Variants in RRN3 observed in about 807,000 individuals in gnomAD.
RRN3 encodes the protein RNA polymerase I transcription factor RRN3.
RRN3 carries 38 observed loss-of-function variants against 82.3 expected under a neutral mutation model. The ratio of observed to expected loss-of-function variants is 0.46; its 90% CI spans 0.36 to 0.61. The LOEUF (loss-of-function observed/expected upper bound fraction) is 0.61. Among genes scored for constraint, RRN3 ranks in the 20% least tolerant of loss-of-function variants. RRN3 has a pLI of 0.00. For synonymous variants in RRN3, 284 were observed against 284.3 expected, an observed-to-expected ratio of 1.00 and a Z score of 0.01; for missense variants, 726 against 793.1, an observed-to-expected ratio of 0.92 and a Z score of 1.02.
rs1335885293 is a variant in RRN3 at position 15,082,177 on chromosome 16, CTT to C, written c.666+1334_666+1335del. Among the ~76,000 whole-genome samples the C allele has an allele frequency of 2.6e-5, 4 of 152,166 alleles. No homozygotes were observed. In the East Asian group the frequency reaches 7.7e-4, roughly 29 times the overall value. On this transcript the variant is annotated intron_variant, in intron 8 of 17. Coordinates refer to ENST00000198767, the MANE Select transcript of RRN3 (RefSeq NM_018427.5). ...TTTTGTTCTTTGTCTTAGGAAAAAACTTTTGGTCTTTCACCAATGAATATGAT... is the reference window on the plus strand; with the variant it reads ...TTTTGTTCTTTGTCTTAGGAAAAAACTTGGTCTTTCACCAATGAATATGAT...
intron 11 of RRN3, among the ~76,000 whole-genome samples, chr16:15,073,457 T>TA (rs796895264): frequency 5.1e-4 from 76 of 149,598 alleles, no homozygotes; most frequent in African/African-American, 1.7e-3. Flanking sequence ...CGTGGCTATT[T>TA]AAAAAAAAAA....
intron 15 of RRN3, among the ~76,000 whole-genome samples, chr16:15,066,937 T>C (rs1342831556): frequency 6.6e-6 from 1 of 151,962 alleles, no homozygotes; most frequent in Admixed American, 6.6e-5. Flanking sequence ...CTGGACCAGA[T>C]GGTTCACAAA....
rs1405869277 is a variant in RRN3 at position 15,073,191 on chromosome 16, C to T, written c.998-111G>A. 8 of 1,237,432 alleles carry T rather than the reference C, an allele frequency of 6.5e-6. No homozygotes were observed. The Admixed American group carries it at 1.6e-4, about 24-fold the overall frequency. 76.7% of individuals were successfully genotyped at this position (1,237,432 alleles called of 1,614,324 possible). A position where few individuals can be genotyped will look rare whatever the true frequency, so the allele number is the denominator to read the frequency against. ...TAAAAAACAACATTATCCAGCCAAG[C>T]ACAGTGGCTCCTGCCTGCAATCCCA... On this transcript the variant is annotated intron_variant, in intron 11 of 17. Coordinates refer to ENST00000198767, the MANE Select transcript of RRN3 (RefSeq NM_018427.5).
intron 11 of RRN3, among the ~76,000 whole-genome samples, chr16:15,073,452 C>T (rs1281865405): frequency 1.3e-5 from 2 of 151,400 alleles, no homozygotes; most frequent in African/African-American, 2.4e-5. Flanking sequence ...AAGACCGTGG[C>T]TATTTAAAAA....
At chr16:15,064,045 G>T (rs2044843030) in intron 16 of RRN3, among the ~76,000 whole-genome samples, 1 of 152,174 alleles carries the variant, frequency 6.6e-6, no homozygotes, top group South Asian at 2.1e-4. Flanking sequence ...AATCCCAGAT[G>T]GTCATGATGC....
rs139762686 is a variant in RRN3, at chr16:15,074,832, T to C, written c.888A>G (p.Thr296=). Reference sequence around the variant, plus strand: ...GGTCGAGCCGTTCAGGACCAGCCTTTGTTTCATGTTCAGTTTCTTCATCTT... The same window carrying C: ...GGTCGAGCCGTTCAGGACCAGCCTTCGTTTCATGTTCAGTTTCTTCATCTT... ...MDEDEETEHE[T]KAGPERLDQM... The change falls in exon 11 of 18, where the codon ACA becomes ACG. Residue 296 remains threonine, a synonymous_variant. Coordinates refer to ENST00000198767, the MANE Select transcript of RRN3 (RefSeq NM_018427.5). The C allele has an allele frequency of 3.8e-5, 61 of 1,612,314 alleles. No homozygotes were observed. In the African/African-American group the frequency reaches 7.5e-4, roughly 20 times the overall value.
intron 3 of RRN3, among the ~76,000 whole-genome samples, chr16:15,086,681 A>G (rs1365711850): frequency 6.6e-6 from 1 of 152,224 alleles, no homozygotes; most frequent in Non-Finnish European, 1.5e-5. Context: ...GAAAGACTTA[A>G]ATGCAATACT....
At chr16:15,068,440 G>A (rs2045074422) in intron 14 of RRN3, among the ~76,000 whole-genome samples, 163 bp from the exon 15 acceptor site, 1 of 152,134 alleles carries the variant, frequency 6.6e-6, no homozygotes, top group Admixed American at 6.5e-5. Context: ...CACAGTATAT[G>A]GCCCAGAAGA....
chr16:15,079,973 T>C (rs1161157182), intron 9 of RRN3, 25 bp downstream of exon 9: 5 of 1,564,478 alleles, frequency 3.2e-6, no homozygotes, highest in Non-Finnish European at 1.7e-6. Flanking sequence ...TAAATGAAAA[T>C]AAAAATAGAT....
intron 16 of RRN3, among the ~76,000 whole-genome samples, chr16:15,063,649 G>T (rs185391206): frequency 1.4e-5 from 2 of 142,830 alleles, no homozygotes; most frequent in African/African-American, 5.1e-5. Context: ...AGCTTGCAGC[G>T]AGCCGAGATC....
chr16:15,073,924 T>C (rs1415756170), intron 11 of RRN3, among the ~76,000 whole-genome samples: 1 of 152,146 alleles, frequency 6.6e-6, no homozygotes, highest in Admixed American at 6.5e-5. Context: ...GGCAATGATA[T>C]GAGAAAATGT....
At position 15,093,947 on chromosome 16, in the gene RRN3, G is replaced by C. The variant is rs10852374; in HGVS notation, c.89+198C>G. ...GGGGGCCTCCAGAACAGAGAACATA[G>C]TCACTTTTCCAGGCCCCACCCATGT... On this transcript the variant is annotated intron_variant, in intron 1 of 17. Transcript: ENST00000198767. 0.75 allele frequency: 451,494 copies of C among 601,124 alleles called. 171,360 individuals carry two copies. Among genetic ancestry groups the C allele is most frequent in the Admixed American group, 0.84 (26,210 of 31,328 alleles). The allele number at this position is 601,124 out of a possible 1,614,324, so 37.2% of individuals were successfully genotyped here.
intron 11 of RRN3, 144 bp from the exon 12 acceptor site, chr16:15,073,224 G>C (rs1193213346): frequency 6.5e-6 from 6 of 918,324 alleles, no homozygotes; most frequent in Non-Finnish European, 9.9e-6. Context: ...CCAGCACTTT[G>C]GGAGGCCAAA....
rs2044720857 is a variant in RRN3, at chr16:15,061,757, G to A, written c.1943C>T (p.Pro648Leu). 2 of 1,612,812 alleles carry A rather than the reference G, an allele frequency of 1.2e-6. No individual in the cohort carries two copies. Among genetic ancestry groups the A allele is most frequent in the Non-Finnish European group, 1.7e-6 (2 of 1,178,962 alleles). The change falls in exon 18 of 18, where the codon CCC becomes CTC. Residue 648 changes from proline (P) to leucine (L), a missense_variant. Transcript: ENST00000198767. ...VGSPPVLYMQ[P>L]SPL is the part of the protein sequence containing the mutation. ...AAATTTCTGCCGTCAGAGGGGACTGGGTTGCATGTACAACACGGGTGGGGA... is the reference window on the plus strand; with the variant it reads ...AAATTTCTGCCGTCAGAGGGGACTGAGTTGCATGTACAACACGGGTGGGGA...
Position 15,070,116 on chromosome 16 carries a change from G to C in RRN3, c.1398C>G (p.Thr466=). Residue 466 remains threonine, a synonymous_variant, in exon 14 of 18, where the codon ACC becomes ACG. Transcript: ENST00000198767. ...FYSACQAVFY[T]FVFRHKQLLS... Reference sequence around the variant, plus strand: ...AAAGCTGCTTGTGTCTAAAAACAAAGGTGTAGAACACAGCTTGGCAGGCTG... The same window carrying C: ...AAAGCTGCTTGTGTCTAAAAACAAACGTGTAGAACACAGCTTGGCAGGCTG... The C allele has an allele frequency of 6.2e-7, 1 of 1,600,602 alleles. No homozygotes were observed. Among genetic ancestry groups the C allele is most frequent in the Non-Finnish European group, 8.5e-7 (1 of 1,172,682 alleles).
rs1469555177 is a variant in RRN3 at position 15,085,693 on chromosome 16, C to T, written c.478G>A (p.Val160Met). The change falls in exon 6 of 18, where the codon GTG (valine) becomes ATG (methionine). Residue 160 changes from valine to methionine, a missense_variant. By Grantham distance (21) the Val-to-Met change is conservative. Around this residue, in one of 4 missense-constraint regions of RRN3, gnomAD observed 344 missense variants for 394.5 expected, o/e 0.87. Transcript: ENST00000198767. ...MIASHFVPPR[V>M]IIKEGDVDVS... is the part of the protein sequence containing the mutation. ...TCTACATCGCCTTCCTTAATGATCA[C>T]TCGGGCTTTTGAGGGAAAAAGAAAA... 6.2e-7 allele frequency: 1 copy of T among 1,613,260 alleles called. No individual in the cohort carries two copies.
Position 15,060,387 on chromosome 16 carries a change from A to C in RRN3, c.*1357T>G, listed in dbSNP as rs2044669004. 1 of 194,840 alleles carries C rather than the reference A, an allele frequency of 5.1e-6. No individual in the cohort carries two copies. Among genetic ancestry groups the C allele is most frequent in the African/African-American group, 2.4e-5 (1 of 42,276 alleles). 12.1% of individuals were successfully genotyped at this position (194,840 alleles called of 1,614,324 possible). A position where few individuals can be genotyped will look rare whatever the true frequency, so the allele number is the denominator to read the frequency against. On this transcript the variant is annotated 3_prime_UTR_variant, in exon 18 of 18. Transcript: ENST00000198767. ...ATTTCTATTTTCCAAAAAAGTATTTACAGACTGAAATTCAAACTCTACATT... is the reference window on the plus strand; with the variant it reads ...ATTTCTATTTTCCAAAAAAGTATTTCCAGACTGAAATTCAAACTCTACATT...
At chr16:15,065,558 T>G (rs1296658466) in intron 15 of RRN3, among the ~76,000 whole-genome samples, 187 bp from the exon 16 acceptor site, 2 of 152,200 alleles carry the variant, frequency 1.3e-5, no homozygotes, top group African/African-American at 4.8e-5. Context: ...GTCTTCTATT[T>G]GCAAGTTTGC....
intron 17 of RRN3, 133 bp from the exon 18 acceptor site, chr16:15,062,038 G>C: frequency 2.2e-6 from 2 of 921,082 alleles, no homozygotes; most frequent in South Asian, 1.8e-5. Context: ...AAGAAAGCCA[G>C]TGTAGTGGCA....
Sources: allele counts gnomAD v4.1 joint callset (sites outside exome capture counted in the v4.1 genomes callset), GRCh38; gene constraint gnomAD v4.1.1; regional missense constraint gnomAD v4.1.1; transcripts MANE v1.5; gene names NCBI Gene and HGNC (gene_info 2026-07-23, HGNC 2026-07-21).